Variants in KLHL11 observed in about 807,000 individuals in gnomAD.
KLHL11 encodes kelch like family member 11, also known as kelch-like protein 11.
In KLHL11, 26 loss-of-function variants were observed where a neutral mutation model predicts 56.1. That is an observed-to-expected ratio of 0.46 (90% CI 0.34 to 0.64). The LOEUF is 0.64. KLHL11 is among the 30% of genes least tolerant of loss of function. KLHL11 has a pLI of 0.01. For missense variants in KLHL11, 627 were observed against 919.4 expected, an observed-to-expected ratio of 0.68 and a Z score of 4.11; for synonymous variants, 338 against 345.8, an observed-to-expected ratio of 0.98 and a Z score of 0.25.
Position 41,855,301 on chromosome 17 carries a change from T to C in KLHL11, c.566A>G (p.Lys189Arg). 7 of 1,578,744 alleles carry C rather than the reference T, an allele frequency of 4.4e-6. No homozygotes were observed. Among genetic ancestry groups the C allele is most frequent in the Non-Finnish European group, 6.0e-6 (7 of 1,158,922 alleles). Residue 189 changes from lysine (K) to arginine (R), a missense_variant, in exon 2 of 2, where the codon AAA becomes AGA. This residue lies in a region of KLHL11 where 150 missense variants were observed against 215.7 expected (regional missense o/e 0.70). Coordinates refer to ENST00000319121, the MANE Select transcript of KLHL11 (RefSeq NM_018143.3). The stretch of plus-strand genomic sequence containing the variant: ...CTTGAGAAATTCTCCACAAAATTCT[T>C]TTAAACGAATGAGTAGGAACCTAAA... ...LADRFLLIRL[K>R]EFCGEFLKKK...
chr17:41,858,408 T>TTGTTG (rs1555622763), intron 1 of KLHL11, among the ~76,000 whole-genome samples: 19 of 144,048 alleles, frequency 1.3e-4, no homozygotes, highest in Non-Finnish European at 2.4e-4. Context: ...ATATATATTT[T>TTGTTG]TTGTTGTTGT....
Position 41,864,812 on chromosome 17 carries a change from C to A in KLHL11, c.545+14G>T. The A allele has an allele frequency of 6.7e-7, 1 of 1,491,938 alleles. No homozygotes were observed. Among genetic ancestry groups the A allele is most frequent in the Non-Finnish European group, 8.9e-7 (1 of 1,118,790 alleles). The allele number at this position is 1,491,938 out of a possible 1,614,324, so 92.4% of individuals were successfully genotyped here. A position where few individuals can be genotyped will look rare whatever the true frequency, so the allele number is the denominator to read the frequency against. On this transcript the variant is annotated intron_variant, in intron 1 of 1. Transcript: ENST00000319121. ...GCGCCCGCCGCCCTCCGCGCTCCCG[C>A]CTCCCTCGCCTACCTGTCGGCCAAC...
rs1298534053 is a variant in KLHL11, at chr17:41,853,927, A to T, written c.1940T>A (p.Met647Lys). 1.2e-6 allele frequency: 2 copies of T among 1,614,096 alleles called. No homozygotes were observed. Among genetic ancestry groups the T allele is most frequent in the African/African-American group, 2.7e-5 (2 of 74,930 alleles). Residue 647 changes from methionine to lysine, a missense_variant, in exon 2 of 2, where the codon ATG becomes AAG. Coordinates refer to ENST00000319121, the MANE Select transcript of KLHL11 (RefSeq NM_018143.3). ...ERKRWMLLPP[M>K]PQPRCRATAC... ...AGTGGCTCTACAACGAGGTTGTGGC[A>T]TAGGAGGAAGAAGCATCCACCTCTT... is the stretch of plus-strand genomic sequence containing the variant.
chr17:41,857,497 ACT>A (rs2048373641), intron 1 of KLHL11, among the ~76,000 whole-genome samples: 2 of 150,092 alleles, frequency 1.3e-5, no homozygotes, highest in African/African-American at 2.4e-5. Flanking sequence ...ACACAGCAAG[ACT>A]CTGTCTCAAG....
chr17:41,865,275 G>C lies in KLHL11; in HGVS notation c.96C>G (p.Gly32=). The C allele has an allele frequency of 6.4e-7, 1 of 1,569,820 alleles. No homozygotes were observed. Among genetic ancestry groups the C allele is most frequent in the South Asian group, 1.2e-5 (1 of 86,036 alleles). The change falls in exon 1 of 2, where the codon GGC becomes GGG. Residue 32 remains glycine, a synonymous_variant. Coordinates refer to ENST00000319121, the MANE Select transcript of KLHL11 (RefSeq NM_018143.3). The part of the protein sequence containing the change: ...EMESMETAAA[G]SAGLAAEVRG... ...GGACCTCGGCGGCCAGTCCTGCCGA[G>C]CCGGCGGCGGCCGTCTCCATGCTCT...
Position 41,861,686 on chromosome 17 carries a change from CAAAAAAAAA to C in KLHL11, c.545+3131_545+3139del, listed in dbSNP as rs71155178. Among the ~76,000 whole-genome samples, 305 of 61,872 alleles carry C rather than the reference CAAAAAAAAA, an allele frequency of 4.9e-3. 2 individuals carry two copies. The highest frequency in any genetic ancestry group is 0.018 in the African/African-American group (273 of 15,192). 40.6% of individuals were successfully genotyped at this position (61,872 alleles called of 152,430 possible). On this transcript the variant is annotated intron_variant, in intron 1 of 1. Transcript: ENST00000319121. ...GGGAAACAGAGCGAGACTCTTGTCT[CAAAAAAAAA>C]AAAAAAAAAAAAAAAAGAATGTCAG...
chr17:41,858,413 TGTTG>T (rs2048381323), intron 1 of KLHL11, among the ~76,000 whole-genome samples: 4 of 104,100 alleles, frequency 3.8e-5, no homozygotes, highest in African/African-American at 1.5e-4. Flanking sequence ...TATTTTTTGT[TGTTG>T]TTGTTGTTGT....
chr17:41,856,997 G>T (rs2048370681), intron 1 of KLHL11, among the ~76,000 whole-genome samples: 1 of 152,048 alleles, frequency 6.6e-6, no homozygotes, highest in South Asian at 2.1e-4. Context: ...TCCAGGTTGG[G>T]TGACAGAGCG....
intron 1 of KLHL11, among the ~76,000 whole-genome samples, chr17:41,860,900 A>G (rs1555623008): frequency 6.6e-6 from 1 of 152,152 alleles, no homozygotes; most frequent in African/African-American, 2.4e-5. Context: ...CTCATTTGAC[A>G]TATTCAGAGG....
In KLHL11 at chr17:41,853,093, A is replaced by G. The variant is rs992500025; in HGVS notation, c.*647T>C. On this transcript the variant is annotated 3_prime_UTR_variant, in exon 2 of 2. Transcript: ENST00000319121. ...CCGTCACCTCAGATTGAAGGCTTAA[A>G]GTCTATAAACAGCTGCTAATGAAAA... Among the ~76,000 whole-genome samples the G allele has an allele frequency of 1.3e-5, 2 of 152,354 alleles. No homozygotes were observed. The highest frequency in any genetic ancestry group is 4.8e-5 in the African/African-American group (2 of 41,582).
At chr17:41,858,557 C>T (rs374930790) in intron 1 of KLHL11, among the ~76,000 whole-genome samples, 1 of 151,866 alleles carries the variant, frequency 6.6e-6, no homozygotes, top group Non-Finnish European at 1.5e-5. Flanking sequence ...CTCAGCCTCC[C>T]GAGCAGCTAG....
In KLHL11 at chr17:41,855,091, G is replaced by C. The variant is rs782594006; in HGVS notation, c.776C>G (p.Thr259Arg). Reference protein sequence around the residue: ...IRDWLSDLEITVDSEEVLFET... With the variant: ...IRDWLSDLEIRVDSEEVLFET... ...AAAGAGAACCTCTTCAGAATCAACTGTAATTTCCAAATCTGAAAGCCAGTC... is the reference window on the plus strand; with the variant it reads ...AAAGAGAACCTCTTCAGAATCAACTCTAATTTCCAAATCTGAAAGCCAGTC... The change falls in exon 2 of 2, where the codon ACA (threonine) becomes AGA (arginine). Residue 259 changes from threonine to arginine, a missense_variant. Around this residue, in one of 4 missense-constraint regions of KLHL11, gnomAD observed 106 missense variants for 227.0 expected, o/e 0.47. Transcript: ENST00000319121. The C allele has an allele frequency of 1.2e-6, 2 of 1,613,996 alleles. No individual in the cohort carries two copies. The highest frequency in any genetic ancestry group is 2.7e-5 in the African/African-American group (2 of 74,908).
rs2144152349 is a variant in KLHL11, at chr17:41,854,257, A to G, written c.1610T>C (p.Val537Ala). The change falls in exon 2 of 2, where the codon GTG becomes GCG. Residue 537 changes from valine (V) to alanine (A), a missense_variant. By Grantham distance (64) the Val-to-Ala change is moderately conservative. This residue lies in a region of KLHL11 where 250 missense variants were observed against 360.6 expected (regional missense o/e 0.69). Transcript: ENST00000319121. This position sits in a 1 kb window ranked among gnomAD's most constrained non-coding sequence, Gnocchi z 4.9. ...ATTGTCAATAAGCGGCAAAGATTCCACATCTTGCCACTGTCGAGTCTCTGT... is the reference window on the plus strand; with the variant it reads ...ATTGTCAATAAGCGGCAAAGATTCCGCATCTTGCCACTGTCGAGTCTCTGT... ...YDTETRQWQD[V>A]ESLPLIDNYC... 6.2e-7 allele frequency: 1 copy of G among 1,614,214 alleles called. No individual in the cohort carries two copies. The highest frequency in any genetic ancestry group is 2.2e-5 in the East Asian group (1 of 44,896).
chr17:41,864,474 G>A (rs1244217543), intron 1 of KLHL11, among the ~76,000 whole-genome samples: 2 of 152,196 alleles, frequency 1.3e-5, no homozygotes, highest in Non-Finnish European at 2.9e-5. Flanking sequence ...GACATTCAGA[G>A]GTCGATCTAA....
intron 1 of KLHL11, among the ~76,000 whole-genome samples, chr17:41,862,953 T>C (rs1405089397): frequency 3.9e-5 from 6 of 152,250 alleles, no homozygotes; most frequent in East Asian, 3.9e-4. Context: ...AATAATTCCA[T>C]CCTTCCCATT....
chr17:41,854,999 T>A lies in KLHL11; in HGVS notation c.868A>T (p.Lys290Ter). 1 of 1,614,148 alleles carries A rather than the reference T, an allele frequency of 6.2e-7. No individual in the cohort carries two copies. Among genetic ancestry groups the A allele is most frequent in the Non-Finnish European group, 8.5e-7 (1 of 1,180,030 alleles). Residue 290 changes from lysine (K) to a stop codon, truncating the protein, a stop_gained, in exon 2 of 2, where the codon AAA becomes TAA. Coordinates refer to ENST00000319121, the MANE Select transcript of KLHL11 (RefSeq NM_018143.3). LOFTEE classifies it high-confidence loss of function. The surrounding 1 kb of genome is among the most constrained non-coding windows in gnomAD (Gnocchi z 4.9). ...ERERYFEELF[K>*]LLRLSQMKPT... ...TTCATCTGGGACAACCTGAGCAATT[T>A]AAAAAGTTCTTCAAAGTATCTCTCT...
At position 41,853,708 on chromosome 17, in the gene KLHL11, G is replaced by GT. The variant is rs782441570; in HGVS notation, c.*31dup. On this transcript the variant is annotated 3_prime_UTR_variant, in exon 2 of 2. Coordinates refer to ENST00000319121, the MANE Select transcript of KLHL11 (RefSeq NM_018143.3). ...GTATCTTCAGCTTCACGAAACGGGT[G>GT]TAACAGTTTTAATCGGCACGCTTGA... The GT allele has an allele frequency of 5.7e-6, 9 of 1,574,390 alleles. No individual in the cohort carries two copies. In the South Asian group the frequency reaches 5.9e-5, roughly 10 times the overall value.
At chr17:41,858,959 A>G (rs9905601) in intron 1 of KLHL11, among the ~76,000 whole-genome samples, 129,671 of 152,058 alleles carry the variant, frequency 0.85, 55,513 homozygotes, top group South Asian at 0.94. Flanking sequence ...TTCTTTGGGG[A>G]TCTGCTCAGT....
intron 1 of KLHL11, 118 bp from the exon 2 acceptor site, chr17:41,855,439 C>T (rs1018098791): frequency 4.8e-5 from 34 of 702,012 alleles, no homozygotes; most frequent in Non-Finnish European, 6.7e-5. Context: ...AGTGCAGTGG[C>T]GTGATCTCGG....
Sources: gnomAD v4.1 joint callset for allele counts (sites outside exome capture counted in the v4.1 genomes callset) on GRCh38, gnomAD v4.1.1 for gene constraint, gnomAD v4.1.1 regional missense constraint, Gnocchi (gnomAD v3.1) non-coding constraint, MANE v1.5 for transcripts, NCBI Gene and HGNC (gene_info 2026-07-23, HGNC 2026-07-21) for gene names.